The following TPO variants were observed in gnomAD, a reference collection of about 807,000 sequenced individuals.
TPO encodes thyroid microsomal antigen.
A neutral mutation model predicts 96.9 loss-of-function variants in TPO; 78 were observed. That is an observed-to-expected ratio of 0.81 (90% CI 0.67 to 0.97). TPO has a LOEUF of 0.97. Ranked by LOEUF, TPO falls within the 50% of genes least tolerant of loss-of-function variation. The pLI, the probability that TPO is intolerant of heterozygous loss-of-function variation, is 0.00. For synonymous variants in TPO, 547 were observed against 538.0 expected (o/e 1.02, Z -0.23); for missense variants, 1,252 against 1,274.8 (o/e 0.98, Z 0.27).
chr2:1,485,221 A>G (rs1671040593), intron 9 of TPO, among the ~76,000 whole-genome samples: 1 of 152,158 alleles, frequency 6.6e-6, no homozygotes. Flanking sequence ...ATGTCCCTGA[A>G]AAGGACATGA....
At chr2:1,540,831 G>C (rs774131277) in intron 16 of TPO, 108 bp downstream of exon 16, 30 of 1,588,592 alleles carry the variant, frequency 1.9e-5, no homozygotes. Context: ...TGTTTACTCC[G>C]TGTTTCCTAG....
intron 15 of TPO, among the ~76,000 whole-genome samples, chr2:1,519,078 G>A (rs1345148082): frequency 6.6e-6 from 1 of 152,230 alleles, no homozygotes. Context: ...CTGGGGCCTG[G>A]GAAGATCGCC....
intron 1 of TPO, among the ~76,000 whole-genome samples, chr2:1,374,972 A>G (rs540236908): frequency 2.0e-5 from 3 of 151,978 alleles, no homozygotes; most frequent in East Asian, 1.9e-4. Flanking sequence ...CTCGTCATCT[A>G]CCCACCTTGG....
intron 1 of TPO, among the ~76,000 whole-genome samples, chr2:1,380,723 C>T (rs2148342821): frequency 6.6e-6 from 1 of 152,266 alleles, no homozygotes; most frequent in East Asian, 1.9e-4. Flanking sequence ...AAAAAATAAA[C>T]ATATCCAGAA....
At chr2:1,523,896 TCCC>T (rs757759261) in intron 15 of TPO, among the ~76,000 whole-genome samples, 15 of 64,150 alleles carry the variant, frequency 2.3e-4, no homozygotes, top group African/African-American at 6.8e-4. Context: ...CTTGCTTAAA[TCCC>T]CCCAACTGTA....
At chr2:1,460,029 G>A (rs6588675) in intron 7 of TPO, among the ~76,000 whole-genome samples, 82,554 of 151,108 alleles carry the variant, frequency 0.55, 22,805 homozygotes, top group East Asian at 0.77. Context: ...TCCGCCTCCC[G>A]GATATAAGCG....
intron 15 of TPO, among the ~76,000 whole-genome samples, chr2:1,531,902 ACCT>A (rs750150778): frequency 5.4e-5 from 4 of 74,724 alleles, no homozygotes; most frequent in Non-Finnish European, 1.1e-4. Context: ...ACTGTGTGCA[ACCT>A]CCTCAAATCA....
chr2:1,475,286 CA>C (rs1331921994), intron 7 of TPO, among the ~76,000 whole-genome samples: 1 of 152,132 alleles, frequency 6.6e-6, no homozygotes, highest in Non-Finnish European at 1.5e-5. Flanking sequence ...TTCCGGCTGT[CA>C]CGGTTTTCTT....
At chr2:1,406,715 G>A (rs1662255262) in intron 1 of TPO, among the ~76,000 whole-genome samples, 1 of 152,170 alleles carries the variant, frequency 6.6e-6, no homozygotes, top group African/African-American at 2.4e-5. Context: ...ACTCCTTCAG[G>A]GACTGGAGTC....
At chr2:1,505,110 CAAGT>C (rs1053215008) in intron 14 of TPO, among the ~76,000 whole-genome samples, 4 of 152,208 alleles carry the variant, frequency 2.6e-5, no homozygotes, top group Admixed American at 6.5e-5. Flanking sequence ...AGTTATCAAG[CAAGT>C]GAGTCTGAAA....
chr2:1,407,082 G>A (rs1662259403), intron 1 of TPO, among the ~76,000 whole-genome samples: 1 of 152,188 alleles, frequency 6.6e-6, no homozygotes, highest in Non-Finnish European at 1.5e-5. Flanking sequence ...GCAAGGGTTT[G>A]TAAGGAAAAT....
chr2:1,413,649 G>A (rs1310655558), intron 1 of TPO, 104 bp downstream of exon 1: 4 of 985,210 alleles, frequency 4.1e-6, no homozygotes, highest in Non-Finnish European at 3.6e-6. Flanking sequence ...ATTATAGCAG[G>A]TATGGGTGGC....
intron 11 of TPO, 145 bp from the exon 12 acceptor site, chr2:1,495,844 C>A: frequency 1.1e-6 from 1 of 894,580 alleles, no homozygotes. Context: ...TCAGCGCCTG[C>A]ACCTGTGTGG....
chr2:1,437,019 T>G (rs1278370516), intron 5 of TPO, among the ~76,000 whole-genome samples: 1 of 152,072 alleles, frequency 6.6e-6, no homozygotes, highest in African/African-American at 2.4e-5. Flanking sequence ...TGGCAGGAGA[T>G]GGACAGGAGC....
intron 2 of TPO, among the ~76,000 whole-genome samples, chr2:1,416,569 T>G (rs1349973031): frequency 1.3e-5 from 2 of 152,266 alleles, no homozygotes; most frequent in Non-Finnish European, 2.9e-5. Flanking sequence ...TCGTTTTGCT[T>G]AAACTTTTGG....
chr2:1,376,806 T>A (rs1661728472), intron 1 of TPO, among the ~76,000 whole-genome samples: 1 of 152,206 alleles, frequency 6.6e-6, no homozygotes, highest in South Asian at 2.1e-4. Context: ...AACAGAATGA[T>A]GTTGTTTTAA....
Position 1,453,806 on chromosome 2 carries a change from G to A in TPO, c.595G>A (p.Gly199Arg), listed in dbSNP as rs539215580. 1.5e-5 allele frequency: 25 copies of A among 1,613,748 alleles called. No individual in the cohort carries two copies. In the African/African-American group the frequency reaches 1.6e-4, roughly 10 times the overall value. Reference sequence around the variant, plus strand: ...CTGGAACCCCGGCTTCTTGTACAACGGGTTCCCACTGCCCCCGGTGGGTAC... The same window carrying A: ...CTGGAACCCCGGCTTCTTGTACAACAGGTTCCCACTGCCCCCGGTGGGTAC... ...RGWNPGFLYN[G>R]FPLPPVREVT... The change falls in exon 6 of 17, where the codon GGG becomes AGG. Residue 199 changes from glycine (G) to arginine (R), a missense_variant. Transcript: ENST00000329066.
intron 14 of TPO, among the ~76,000 whole-genome samples, chr2:1,508,852 A>G (rs2125033581): frequency 6.6e-6 from 1 of 152,200 alleles, no homozygotes; most frequent in Non-Finnish European, 1.5e-5. Flanking sequence ...GGATTCATTA[A>G]TTTTTTGAAG....
intron 8 of TPO, among the ~76,000 whole-genome samples, chr2:1,479,108 G>A (rs1342058326): frequency 1.3e-5 from 2 of 152,202 alleles, no homozygotes; most frequent in African/African-American, 2.4e-5. Context: ...CTGCTTCCCC[G>A]TGCAAACGGG....
Sources: gnomAD v4.1 joint callset for allele counts (sites outside exome capture counted in the v4.1 genomes callset) on GRCh38, gnomAD v4.1.1 for gene constraint, MANE v1.5 for transcripts, NCBI Gene and HGNC (gene_info 2026-07-23, HGNC 2026-07-21) for gene names.